Variants in NTNG1 observed in about 807,000 individuals in gnomAD.
The protein encoded by NTNG1 is netrin-G1.
In NTNG1, 16 loss-of-function variants were observed where a neutral mutation model predicts 54.0. That is an observed-to-expected ratio of 0.30 (90% confidence interval 0.20 to 0.45). The LOEUF (loss-of-function observed/expected upper bound fraction) is 0.45. Among genes scored for constraint, NTNG1 ranks in the 20% least tolerant of loss-of-function variants. The pLI is 1.00. For synonymous variants in NTNG1, 255 were observed against 263.1 expected (o/e 0.97, Z 0.30); for missense variants, 530 against 678.7 (o/e 0.78, Z 2.43).
chr1:107,356,579 C>T (rs1669949209), intron 3 of NTNG1, among the ~76,000 whole-genome samples: 1 of 152,070 alleles, frequency 6.6e-6, no homozygotes, highest in Non-Finnish European at 1.5e-5. Flanking sequence ...CAGGTGTGAG[C>T]CACCATGCCA....
At chr1:107,212,393 C>T (rs980901552) in intron 2 of NTNG1, among the ~76,000 whole-genome samples, 2 of 152,082 alleles carry the variant, frequency 1.3e-5, no homozygotes, top group African/African-American at 2.4e-5. Context: ...AGTAATAACC[C>T]ATTTGAAATG....
intron 7 of NTNG1, among the ~76,000 whole-genome samples, chr1:107,467,744 C>G (rs1199300799): frequency 3.3e-5 from 5 of 152,328 alleles, no homozygotes; most frequent in African/African-American, 1.2e-4. Flanking sequence ...TATGACTTGT[C>G]TATAATCTTA....
In NTNG1 at chr1:107,234,403, A is replaced by G. The variant is rs1032750747; in HGVS notation, c.246+85564A>G. ...CTCCCAAAGTGCTGGGATTACAGGC[A>G]TGAGCCACCAAACCCAGCCCCTTTT... On this transcript the variant is annotated intron_variant, in intron 2 of 7. Coordinates refer to ENST00000370068, the MANE Select transcript of NTNG1 (RefSeq NM_001113226.3). 4.6e-5 allele frequency among the ~76,000 whole-genome samples: 7 copies of G among 152,126 alleles called. No individual in the cohort carries two copies. In the East Asian group the frequency reaches 7.7e-4, roughly 17 times the overall value.
At chr1:107,243,804 C>G (rs1662002895) in intron 2 of NTNG1, among the ~76,000 whole-genome samples, 1 of 151,880 alleles carries the variant, frequency 6.6e-6, no homozygotes. Context: ...TGACTCTGCA[C>G]TCGAATCATT....
At chr1:107,141,436 G>T (rs1005402347) in intron 1 of NTNG1, 1 of 150,144 alleles carries the variant, frequency 6.7e-6, no homozygotes, top group Non-Finnish European at 1.5e-5. Flanking sequence ...CTCCCGCCCG[G>T]CGCAAGGGCA....
chr1:107,195,804 C>T (rs958576923), intron 2 of NTNG1, among the ~76,000 whole-genome samples: 1 of 151,966 alleles, frequency 6.6e-6, no homozygotes, highest in Non-Finnish European at 1.5e-5. Context: ...TTGTTTATAT[C>T]AGTTCTGACT....
At chr1:107,398,223 G>C (rs1160733904) in intron 4 of NTNG1, among the ~76,000 whole-genome samples, 1 of 152,088 alleles carries the variant, frequency 6.6e-6, no homozygotes, top group Non-Finnish European at 1.5e-5. Flanking sequence ...CACCAGCATG[G>C]CACATGTATA....
chr1:107,237,104 C>T (rs1162763038), intron 2 of NTNG1, among the ~76,000 whole-genome samples: 6 of 152,118 alleles, frequency 3.9e-5, no homozygotes, highest in Non-Finnish European at 7.3e-5. Flanking sequence ...ATGTCTTTGA[C>T]CAAAATGCTG....
chr1:107,180,120 AGG>A (rs1656960258), intron 2 of NTNG1, among the ~76,000 whole-genome samples: 2 of 152,206 alleles, frequency 1.3e-5, no homozygotes, highest in Admixed American at 1.3e-4. Context: ...GCAACAATAT[AGG>A]AATTGTAATA....
chr1:107,300,730 T>A (rs1666265191), intron 2 of NTNG1, among the ~76,000 whole-genome samples: 1 of 152,318 alleles, frequency 6.6e-6, no homozygotes, highest in South Asian at 2.1e-4. Flanking sequence ...AGTATTTATG[T>A]CTCCAGAATT....
chr1:107,468,566 T>G (rs542285887), intron 7 of NTNG1, among the ~76,000 whole-genome samples: 21 of 152,322 alleles, frequency 1.4e-4, no homozygotes, highest in Admixed American at 1.4e-3. Context: ...CACCAAATCC[T>G]TTTACTTGAG....
intron 1 of NTNG1, among the ~76,000 whole-genome samples, chr1:107,141,620 C>T (rs114607470): frequency 2.6e-5 from 4 of 152,068 alleles, no homozygotes; most frequent in African/African-American, 7.2e-5. Flanking sequence ...TAAAGCGCCC[C>T]GAGGAGGCAG....
chr1:107,234,517 C>T (rs993000681), intron 2 of NTNG1, among the ~76,000 whole-genome samples: 4 of 152,154 alleles, frequency 2.6e-5, no homozygotes, highest in Non-Finnish European at 4.4e-5. Flanking sequence ...GTTCTAAATA[C>T]TACATATGTT....
At chr1:107,223,262 C>T (rs891068131) in intron 2 of NTNG1, among the ~76,000 whole-genome samples, 3 of 151,404 alleles carry the variant, frequency 2.0e-5, no homozygotes, top group African/African-American at 7.3e-5. Flanking sequence ...GTGTGTGTGT[C>T]TGTGTGTGCG....
chr1:107,195,136 T>C (rs762224814), intron 2 of NTNG1, among the ~76,000 whole-genome samples: 109 of 152,144 alleles, frequency 7.2e-4, no homozygotes, highest in Non-Finnish European at 1.3e-3. Context: ...GATTGGTGTT[T>C]AAATTCCACT....
chr1:107,427,345 G>A (rs1674977241), intron 5 of NTNG1, among the ~76,000 whole-genome samples: 1 of 151,884 alleles, frequency 6.6e-6, no homozygotes. Flanking sequence ...AAGAAGAAAT[G>A]GGAGGTCATG....
intron 2 of NTNG1, among the ~76,000 whole-genome samples, chr1:107,303,460 T>C (rs964216542): frequency 1.3e-5 from 2 of 152,206 alleles, no homozygotes; most frequent in African/African-American, 2.4e-5. Context: ...GAATCTATCC[T>C]GTGTTTCAAA....
chr1:107,255,326 A>G (rs1187653079), intron 2 of NTNG1, among the ~76,000 whole-genome samples: 1 of 152,170 alleles, frequency 6.6e-6, no homozygotes, highest in Non-Finnish European at 1.5e-5. Flanking sequence ...TCCTCCATAA[A>G]GACACAGTCA....
At chr1:107,429,130 A>G (rs1417816482) in intron 5 of NTNG1, among the ~76,000 whole-genome samples, 1 of 152,000 alleles carries the variant, frequency 6.6e-6, no homozygotes, top group Non-Finnish European at 1.5e-5. Flanking sequence ...GTTTGGCTTC[A>G]GCATCCCCCC....
Sources: gnomAD v4.1 joint callset for allele counts (sites outside exome capture counted in the v4.1 genomes callset) on GRCh38, gnomAD v4.1.1 for gene constraint, MANE v1.5 for transcripts, NCBI Gene and HGNC (gene_info 2026-07-23, HGNC 2026-07-21) for gene names.